Variants in ZCCHC7 observed in about 807,000 individuals in gnomAD.
ZCCHC7 encodes the protein zinc finger CCHC domain-containing protein 7.
A neutral mutation model predicts 52.0 loss-of-function variants in ZCCHC7; 35 were observed. That is an observed-to-expected ratio of 0.67 (90% CI 0.51 to 0.89). The LOEUF is 0.89. Ranked by LOEUF, ZCCHC7 falls within the 40% of genes least tolerant of loss-of-function variation. The probability of loss-of-function intolerance (pLI) is 0.00; values close to 1 mark genes in which losing one functional copy is unlikely to be tolerated. For missense variants in ZCCHC7, 574 were observed against 649.1 expected, an observed-to-expected ratio of 0.88 and a Z score of 1.26; for synonymous variants, 217 against 221.5, an observed-to-expected ratio of 0.98 and a Z score of 0.18.
At chr9:37,120,319 A>G (rs1014235514), upstream of ZCCHC7, among the ~76,000 whole-genome samples, 1 of 152,242 alleles carries the variant, frequency 6.6e-6, no homozygotes, top group African/African-American at 2.4e-5. Context: ...CGAGTCATTC[A>G]AATAATAGAT....
chr9:37,223,000 C>CAT (rs973185446), intron 2 of ZCCHC7, among the ~76,000 whole-genome samples: 1 of 151,954 alleles, frequency 6.6e-6, no homozygotes, highest in African/African-American at 2.4e-5. Flanking sequence ...CATTCGTATA[C>CAT]ATATATATAT....
At chr9:37,331,983 TA>T (rs1830468087) in intron 6 of ZCCHC7, among the ~76,000 whole-genome samples, 1 of 151,704 alleles carries the variant, frequency 6.6e-6, no homozygotes, top group Non-Finnish European at 1.5e-5. Flanking sequence ...TTTCATAAGC[TA>T]ATACATTATA....
At chr9:37,252,884 A>G (rs1826397539) in intron 2 of ZCCHC7, among the ~76,000 whole-genome samples, 3 of 152,268 alleles carry the variant, frequency 2.0e-5, no homozygotes, top group South Asian at 4.1e-4. Flanking sequence ...GTGAATTTCA[A>G]GTGGAGCCAG....
chr9:37,327,548 T>C (rs1194855761), intron 5 of ZCCHC7: 1 of 419,098 alleles, frequency 2.4e-6, no homozygotes, highest in African/African-American at 2.0e-5. Context: ...TGCCCAAAAC[T>C]TGTAACCTGA....
chr9:37,163,625 T>A (rs1264212207), intron 2 of ZCCHC7, among the ~76,000 whole-genome samples: 4 of 152,180 alleles, frequency 2.6e-5, no homozygotes, highest in Non-Finnish European at 5.9e-5. Context: ...CTGTCCAGTC[T>A]TTGCTTTGGC....
intron 2 of ZCCHC7, among the ~76,000 whole-genome samples, chr9:37,178,317 C>CT (rs1453575474): frequency 6.6e-6 from 1 of 151,056 alleles, no homozygotes; most frequent in Non-Finnish European, 1.5e-5. Flanking sequence ...GCCTTTGTAA[C>CT]TTAAAACACA....
At chr9:37,205,560 A>G (rs947774267) in intron 2 of ZCCHC7, among the ~76,000 whole-genome samples, 2 of 152,136 alleles carry the variant, frequency 1.3e-5, no homozygotes, top group Non-Finnish European at 2.9e-5. Flanking sequence ...TCAGTCGCCC[A>G]GGTTGCAATG....
intron 2 of ZCCHC7, among the ~76,000 whole-genome samples, chr9:37,243,454 T>C (rs2133365733): frequency 6.6e-6 from 1 of 151,976 alleles, no homozygotes; most frequent in African/African-American, 2.4e-5. Context: ...AATCTTACTT[T>C]TTGAAAAGAC....
At chr9:37,164,911 T>C (rs1588410767) in intron 2 of ZCCHC7, among the ~76,000 whole-genome samples, 1 of 152,138 alleles carries the variant, frequency 6.6e-6, no homozygotes, top group Admixed American at 6.5e-5. Flanking sequence ...TTCCAGAAAG[T>C]GTGGTGGGGG....
intron 7 of ZCCHC7, among the ~76,000 whole-genome samples, chr9:37,352,562 A>G (rs375918515): frequency 6.0e-5 from 7 of 117,110 alleles, no homozygotes; most frequent in East Asian, 2.5e-4. Context: ...CTTGTTGCCC[A>G]GGCTGGAGTG....
At chr9:37,120,857 T>A in intron 1 of ZCCHC7, 1 of 224,490 alleles carries the variant, frequency 4.5e-6, no homozygotes, top group Non-Finnish European at 8.7e-6. Flanking sequence ...CAAGGGCTAA[T>A]GCCGTGATTC....
At chr9:37,261,640 C>T (rs1826870461) in intron 2 of ZCCHC7, among the ~76,000 whole-genome samples, 1 of 152,156 alleles carries the variant, frequency 6.6e-6, no homozygotes, top group South Asian at 2.1e-4. Context: ...GCTCTATAAA[C>T]ACCTTTCCTT....
At chr9:37,141,506 G>T (rs1010260048) in intron 2 of ZCCHC7, among the ~76,000 whole-genome samples, 3 of 151,728 alleles carry the variant, frequency 2.0e-5, no homozygotes, top group African/African-American at 7.3e-5. Context: ...GAAAAGATAT[G>T]TTAGTGTTAT....
intron 2 of ZCCHC7, among the ~76,000 whole-genome samples, chr9:37,196,292 G>A (rs1482578398): frequency 6.6e-6 from 1 of 152,122 alleles, no homozygotes; most frequent in Non-Finnish European, 1.5e-5. Flanking sequence ...TCTTTAAAAA[G>A]CTGTTTATTA....
intron 2 of ZCCHC7, among the ~76,000 whole-genome samples, chr9:37,189,490 G>C (rs1278243514): frequency 6.6e-6 from 1 of 152,104 alleles, no homozygotes; most frequent in Non-Finnish European, 1.5e-5. Context: ...GGGCTCAAGC[G>C]ATTCTCCTGC....
intron 2 of ZCCHC7, among the ~76,000 whole-genome samples, chr9:37,210,956 T>A (rs1428086432): frequency 6.6e-6 from 1 of 152,204 alleles, no homozygotes; most frequent in Non-Finnish European, 1.5e-5. Context: ...GTACACATAC[T>A]CCCTAGGGCC....
chr9:37,273,885 G>T (rs1280736490), intron 2 of ZCCHC7, among the ~76,000 whole-genome samples: 3 of 151,868 alleles, frequency 2.0e-5, no homozygotes, highest in African/African-American at 7.3e-5. Context: ...TGAACACTTT[G>T]TTGGTCATAT....
chr9:37,281,618 A>T (rs1294216461), intron 2 of ZCCHC7, among the ~76,000 whole-genome samples: 1 of 152,248 alleles, frequency 6.6e-6, no homozygotes. Context: ...TATCAATCTC[A>T]TTTTGAATCT....
At chr9:37,340,686 T>G (rs1044941552) in intron 6 of ZCCHC7, among the ~76,000 whole-genome samples, 4 of 152,182 alleles carry the variant, frequency 2.6e-5, no homozygotes, top group African/African-American at 7.2e-5. Context: ...CAAATTTATA[T>G]TTCTAACACA....
Sources: gnomAD v4.1 joint callset for allele counts (sites outside exome capture counted in the v4.1 genomes callset) on GRCh38, gnomAD v4.1.1 for gene constraint, MANE v1.5 for transcripts, NCBI Gene and HGNC (gene_info 2026-07-23, HGNC 2026-07-21) for gene names.